Variants in PDE4D observed in about 807,000 individuals in gnomAD.
PDE4D encodes the protein phosphodiesterase 4D, also known as 3',5'-cyclic-AMP phosphodiesterase 4D.
Under a neutral mutation model 87.4 loss-of-function variants are expected in PDE4D, and 24 were observed. That is an observed-to-expected ratio of 0.27 (90% CI 0.20 to 0.39). The LOEUF is 0.39. PDE4D is among the 10% of genes least tolerant of loss of function. PDE4D has a pLI of 1.00. For synonymous variants in PDE4D, 384 were observed against 383.2 expected (o/e 1.00, Z -0.02); for missense variants, 714 against 1,041.0 (o/e 0.69, Z 4.32).
chr5:59,803,366 T>A (rs1249775319), intron 1 of PDE4D, among the ~76,000 whole-genome samples: 1 of 151,490 alleles, frequency 6.6e-6, no homozygotes, highest in African/African-American at 2.4e-5. Flanking sequence ...TGGCGCCATC[T>A]TGGCTCACTG....
At chr5:59,903,782 T>G (rs1438937652) in intron 3 of PDE4D, among the ~76,000 whole-genome samples, 2 of 152,100 alleles carry the variant, frequency 1.3e-5, no homozygotes, top group Non-Finnish European at 2.9e-5. Flanking sequence ...GTTTCAAAGC[T>G]CATACTTCAG....
At chr5:58,990,947 A>T in intron 8 of PDE4D, 45 bp from the exon 9 acceptor site, 1 of 1,082,666 alleles carries the variant, frequency 9.2e-7, no homozygotes, top group Non-Finnish European at 1.4e-6. Flanking sequence ...TAGAAAGTGG[A>T]GTAAAATATG....
intron 1 of PDE4D, among the ~76,000 whole-genome samples, chr5:59,515,928 T>C (rs1317195914): frequency 1.3e-5 from 2 of 152,152 alleles, no homozygotes; most frequent in African/African-American, 4.8e-5. Flanking sequence ...TAGTTAGCCA[T>C]ATGGGAAACA....
At chr5:59,445,116 T>C (rs1798164664) in intron 1 of PDE4D, among the ~76,000 whole-genome samples, 1 of 152,200 alleles carries the variant, frequency 6.6e-6, no homozygotes, top group African/African-American at 2.4e-5. Context: ...CAGGAACTAT[T>C]TTCAACTCTT....
intron 1 of PDE4D, among the ~76,000 whole-genome samples, chr5:60,515,991 T>G (rs1287212642): frequency 6.6e-6 from 1 of 152,210 alleles, no homozygotes; most frequent in Non-Finnish European, 1.5e-5. Context: ...AAAACTATGC[T>G]CTAAGTGTCT....
chr5:60,454,132 G>A (rs1027258661), intron 1 of PDE4D, among the ~76,000 whole-genome samples: 2 of 152,064 alleles, frequency 1.3e-5, no homozygotes, highest in African/African-American at 2.4e-5. Context: ...TCAAAACTGC[G>A]ACAACTCTGA....
At chr5:59,418,078 G>C (rs571533945) in intron 1 of PDE4D, among the ~76,000 whole-genome samples, 2 of 152,270 alleles carry the variant, frequency 1.3e-5, no homozygotes, top group East Asian at 3.9e-4. Context: ...CAAAGCAAAT[G>C]ATTGCTATAA....
intron 2 of PDE4D, among the ~76,000 whole-genome samples, chr5:60,124,921 C>T (rs1031079015): frequency 2.0e-5 from 3 of 152,138 alleles, no homozygotes; most frequent in African/African-American, 7.2e-5. Context: ...CACAATTAAT[C>T]ATGCATTCCT....
intron 2 of PDE4D, among the ~76,000 whole-genome samples, chr5:60,015,304 A>G (rs1452457433): frequency 1.3e-5 from 2 of 152,194 alleles, no homozygotes; most frequent in Non-Finnish European, 2.9e-5. Flanking sequence ...CTAGTCTCCA[A>G]CTATTCCCCT....
At chr5:59,044,461 G>A (rs1204383575) in intron 5 of PDE4D, among the ~76,000 whole-genome samples, 1 of 152,194 alleles carries the variant, frequency 6.6e-6, no homozygotes, top group African/African-American at 2.4e-5. Context: ...AATTGATACT[G>A]TCTACAGTAG....
At chr5:59,927,594 C>T (rs1755431884) in intron 3 of PDE4D, among the ~76,000 whole-genome samples, 1 of 152,188 alleles carries the variant, frequency 6.6e-6, no homozygotes. Context: ...TTTTCCTTCA[C>T]AGACAGCTTG....
chr5:59,196,372 A>G (rs1463564996), intron 2 of PDE4D, among the ~76,000 whole-genome samples: 1 of 152,186 alleles, frequency 6.6e-6, no homozygotes, highest in African/African-American at 2.4e-5. Context: ...ATTAAAAATA[A>G]AGCTCTAGGA....
chr5:59,706,464 T>C (rs559504146), intron 1 of PDE4D, among the ~76,000 whole-genome samples: 13 of 152,130 alleles, frequency 8.5e-5, no homozygotes, highest in Non-Finnish European at 1.8e-4. Flanking sequence ...ATATCAGACA[T>C]GATGTGATTA....
At chr5:59,427,813 G>C (rs1321424383) in intron 1 of PDE4D, among the ~76,000 whole-genome samples, 1 of 124,784 alleles carries the variant, frequency 8.0e-6, no homozygotes, top group Non-Finnish European at 1.6e-5. Context: ...CACAGACCCT[G>C]TCTCAAAAAA....
chr5:60,211,031 G>T (rs1355423081), intron 1 of PDE4D, among the ~76,000 whole-genome samples: 1 of 152,178 alleles, frequency 6.6e-6, no homozygotes, highest in African/African-American at 2.4e-5. Flanking sequence ...ACTGAGGGGC[G>T]CGACAGGAGC....
At chr5:60,033,313 T>C (rs562625378) in intron 2 of PDE4D, among the ~76,000 whole-genome samples, 46 of 152,240 alleles carry the variant, frequency 3.0e-4, no homozygotes, top group Middle Eastern at 3.4e-3. Context: ...GATAACTACC[T>C]CATAAATGAT....
intron 3 of PDE4D, among the ~76,000 whole-genome samples, chr5:59,967,706 A>C (rs1384770454): frequency 6.6e-6 from 1 of 152,192 alleles, no homozygotes; most frequent in East Asian, 1.9e-4. Context: ...CAAAGAACTT[A>C]AAACAGAATT....
chr5:60,013,845 G>C (rs1765251988), intron 2 of PDE4D, among the ~76,000 whole-genome samples: 1 of 149,476 alleles, frequency 6.7e-6, no homozygotes, highest in African/African-American at 2.4e-5. Context: ...ACCTTCCCTT[G>C]GAGTCAGCCT....
chr5:60,211,822 C>T lies in PDE4D; in HGVS notation c.-89-26135G>A, dbSNP rs550306116. On this transcript the variant is annotated intron_variant, in intron 1 of 16. Coordinates refer to the PDE4D transcript ENST00000502484. ...GCTATTTGGGTGGTAGCAAATCACC[C>T]ACCTGAAGGTACAGTATTTACTGGT... is the stretch of plus-strand genomic sequence containing the variant. Among the ~76,000 whole-genome samples, 6 of 152,146 alleles carry T rather than the reference C, an allele frequency of 3.9e-5. No homozygotes were observed. The South Asian group carries it at 1.2e-3, about 32-fold the overall frequency.
Sources: gnomAD v4.1 joint callset for allele counts (sites outside exome capture counted in the v4.1 genomes callset) on GRCh38, gnomAD v4.1.1 for gene constraint, MANE v1.5 for transcripts, NCBI Gene and HGNC (gene_info 2026-07-23, HGNC 2026-07-21) for gene names.